The following CLEC2A variants were observed in gnomAD, a reference collection of about 807,000 sequenced individuals.
The protein encoded by CLEC2A is keratinocyte-associated C-type lectin.
CLEC2A carries 19 observed loss-of-function variants against 18.6 expected under a neutral mutation model. The observed-to-expected ratio is 1.02, with a 90% CI of 0.71 to 1.50. The LOEUF is 1.50. Among genes scored for constraint, CLEC2A ranks in the 40% most tolerant of loss-of-function variants. The pLI is 0.00. For missense variants in CLEC2A, 190 were observed against 207.9 expected (o/e 0.91, Z 0.53); for synonymous variants, 74 against 64.0 (o/e 1.16, Z -0.75).
the CLEC2A span, chr12:9,881,384 G>A: frequency 2.1e-6 from 1 of 474,410 alleles, no homozygotes; most frequent in South Asian, 3.4e-5. Flanking sequence ...CAGAATTGTA[G>A]CCAGATATTA....
At chr12:9,915,778 T>C (rs920041890) in intron 4 of CLEC2A, among the ~76,000 whole-genome samples, 1 of 152,146 alleles carries the variant, frequency 6.6e-6, no homozygotes, top group Non-Finnish European at 1.5e-5. Context: ...AGATGATGGA[T>C]TGGTAGGTGC....
the CLEC2A span, among the ~76,000 whole-genome samples, chr12:9,881,932 G>A: frequency 6.6e-6 from 1 of 151,948 alleles, no homozygotes; most frequent in African/African-American, 2.4e-5. Flanking sequence ...CGAAGAAAAG[G>A]CTGAAAAATT....
At chr12:9,922,334 C>T (rs1251045019) in intron 2 of CLEC2A, 102 bp from the exon 3 acceptor site, 14 of 941,744 alleles carry the variant, frequency 1.5e-5, no homozygotes, top group Non-Finnish European at 1.9e-5. Flanking sequence ...CAGTTTGAGG[C>T]CCGTAAGTTA....
chr12:9,893,684 TCTC>T (rs1467221795), downstream of CLEC2A: 28 of 410,946 alleles, frequency 6.8e-5, no homozygotes, highest in Non-Finnish European at 9.7e-5. Context: ...CTTTTAGCTC[TCTC>T]TTTTCTTTCC....
At chr12:9,884,823 A>T in the CLEC2A span, 1 of 392,708 alleles carries the variant, frequency 2.5e-6, no homozygotes, top group Non-Finnish European at 4.5e-6. Flanking sequence ...TTTAATCATA[A>T]ATTCTAATGA....
intron 4 of CLEC2A, among the ~76,000 whole-genome samples, chr12:9,903,254 G>A (rs1352546111): frequency 6.6e-6 from 1 of 151,890 alleles, no homozygotes; most frequent in Non-Finnish European, 1.5e-5. Context: ...TGATCACCTA[G>A]GAATAAGAAT....
At chr12:9,909,127 G>A (rs1862945386), downstream of CLEC2A, among the ~76,000 whole-genome samples, 1 of 152,060 alleles carries the variant, frequency 6.6e-6, no homozygotes, top group Non-Finnish European at 1.5e-5. Context: ...ATAAATCTAG[G>A]CCTGCTTATT....
chr12:9,885,398 T>C, the CLEC2A span, among the ~76,000 whole-genome samples: 3 of 151,876 alleles, frequency 2.0e-5, no homozygotes, highest in Admixed American at 6.6e-5. Flanking sequence ...GACTTTTTTC[T>C]TCCTGAAGTG....
chr12:9,928,754 T>G (rs552804793), intron 1 of CLEC2A, among the ~76,000 whole-genome samples: 1 of 152,188 alleles, frequency 6.6e-6, no homozygotes, highest in Non-Finnish European at 1.5e-5. Flanking sequence ...ATGTTCCATA[T>G]TATTAGTCAC....
chr12:9,892,998 T>C, the CLEC2A span: 1 of 1,516,070 alleles, frequency 6.6e-7, no homozygotes, highest in Non-Finnish European at 8.8e-7. Flanking sequence ...TTTAATTAAT[T>C]TTCCCCTATG....
At chr12:9,912,880 C>G (rs1171265621), downstream of CLEC2A, among the ~76,000 whole-genome samples, 1 of 152,158 alleles carries the variant, frequency 6.6e-6, no homozygotes, top group African/African-American at 2.4e-5. Flanking sequence ...ACACTGTAAT[C>G]AAGATACTTT....
chr12:9,880,967 G>A, the CLEC2A span, among the ~76,000 whole-genome samples: 1 of 152,202 alleles, frequency 6.6e-6, no homozygotes, highest in South Asian at 2.1e-4. Flanking sequence ...ACCTACTGAA[G>A]GAAAATCTGC....
chr12:9,914,713 T>A (rs1187654562), intron 4 of CLEC2A, among the ~76,000 whole-genome samples: 1 of 151,876 alleles, frequency 6.6e-6, no homozygotes, highest in Non-Finnish European at 1.5e-5. Flanking sequence ...AAAAATTAAC[T>A]CAAGATGGAT....
rs573437039 is a variant in CLEC2A, at chr12:9,924,150, C to T, written c.140-1918G>A. Among the ~76,000 whole-genome samples the T allele has an allele frequency of 4.6e-5, 7 of 152,004 alleles. 1 individual carries two copies. The South Asian group carries it at 1.0e-3, about 23-fold the overall frequency. Reference sequence around the variant, plus strand: ...AAAGAAAAAAAGAAAAAATAATAATCGCCATACTGACTGGCCTGAGATGGT... The same window carrying T: ...AAAGAAAAAAAGAAAAAATAATAATTGCCATACTGACTGGCCTGAGATGGT... On this transcript the variant is annotated intron_variant, in intron 2 of 4. Transcript: ENST00000455827.
chr12:9,884,851 T>G, the CLEC2A span: 113 of 451,118 alleles, frequency 2.5e-4, 1 homozygote, highest in East Asian at 6.6e-4. Context: ...AAAATGAACA[T>G]GAGTTGTCTC....
intron 1 of CLEC2A, among the ~76,000 whole-genome samples, chr12:9,926,693 A>C (rs1256428347): frequency 6.6e-6 from 1 of 152,202 alleles, no homozygotes; most frequent in Non-Finnish European, 1.5e-5. Flanking sequence ...CGATTAGAGC[A>C]AATGTTTATA....
rs1355124050 is a variant in CLEC2A, at chr12:9,919,255, A to G, written c.307-2452T>C. On this transcript the variant is annotated intron_variant, in intron 3 of 4. Coordinates refer to ENST00000455827, the MANE Select transcript of CLEC2A (RefSeq NM_001130711.2). ...AGAGACCTTAGTAGTGGTTAAAGCC[A>G]ATGGTCTTTTGCTTTTCTCCTGGGA... Among the ~76,000 whole-genome samples the G allele has an allele frequency of 3.3e-5, 5 of 152,188 alleles. No homozygotes were observed. The East Asian group carries it at 9.6e-4, about 29-fold the overall frequency.
intron 1 of CLEC2A, among the ~76,000 whole-genome samples, chr12:9,930,181 A>G (rs1412661341): frequency 6.6e-6 from 1 of 152,154 alleles, no homozygotes; most frequent in Non-Finnish European, 1.5e-5. Flanking sequence ...CTCCCTGTAT[A>G]TGGATCCGTC....
the CLEC2A span, chr12:9,888,640 G>C: frequency 4.2e-5 from 28 of 670,008 alleles, no homozygotes; most frequent in Admixed American, 7.1e-5. Context: ...TTATTAGTAT[G>C]CCTTCATTTT....
Sources: gnomAD v4.1 joint callset for allele counts (sites outside exome capture counted in the v4.1 genomes callset) on GRCh38, gnomAD v4.1.1 for gene constraint, MANE v1.5 for transcripts, NCBI Gene and HGNC (gene_info 2026-07-23, HGNC 2026-07-21) for gene names.